TNIK: variants seen among roughly 807,000 people sequenced by gnomAD.
TNIK encodes TRAF2 and NCK-interacting protein kinase.
TNIK carries 49 observed loss-of-function variants against 191.3 expected under a neutral mutation model. The observed-to-expected ratio is 0.26, with a 90% CI of 0.20 to 0.32. The LOEUF (loss-of-function observed/expected upper bound fraction) is 0.32. Ranked by LOEUF, TNIK falls within the 10% of genes least tolerant of loss-of-function variation. TNIK has a pLI of 1.00. For synonymous variants in TNIK, 594 were observed against 600.9 expected (o/e 0.99, Z 0.17); for missense variants, 1,155 against 1,702.3 (o/e 0.68, Z 5.66).
At chr3:171,070,042 T>C (rs1416889352) in intron 29 of TNIK, among the ~76,000 whole-genome samples, 2 of 152,232 alleles carry the variant, frequency 1.3e-5, no homozygotes, top group Non-Finnish European at 2.9e-5. Context: ...CATAAAATAA[T>C]GGCAATAACT....
chr3:171,183,218 A>C (rs1293627389), intron 7 of TNIK, among the ~76,000 whole-genome samples: 1 of 152,120 alleles, frequency 6.6e-6, no homozygotes, highest in Non-Finnish European at 1.5e-5. Flanking sequence ...CCTCCTCCAG[A>C]CTTGATCTCC....
intron 17 of TNIK, among the ~76,000 whole-genome samples, chr3:171,125,626 C>CA (rs1298429824): frequency 6.6e-6 from 1 of 152,158 alleles, no homozygotes; most frequent in African/African-American, 2.4e-5. Flanking sequence ...ATATGGATAG[C>CA]AAAATGACAG....
At chr3:171,459,313 A>C (rs1306856372) in intron 1 of TNIK, among the ~76,000 whole-genome samples, 2 of 152,058 alleles carry the variant, frequency 1.3e-5, no homozygotes, top group Non-Finnish European at 2.9e-5. Flanking sequence ...CACCTGCTTA[A>C]GTTCAGCCAT....
intron 7 of TNIK, among the ~76,000 whole-genome samples, chr3:171,185,897 G>C (rs1737307510): frequency 6.6e-6 from 1 of 152,120 alleles, no homozygotes; most frequent in Non-Finnish European, 1.5e-5. Flanking sequence ...CGGTGGCCAA[G>C]TCATCCTTTA....
chr3:171,295,624 G>T (rs1174927410), intron 2 of TNIK, among the ~76,000 whole-genome samples: 1 of 152,220 alleles, frequency 6.6e-6, no homozygotes, highest in Non-Finnish European at 1.5e-5. Context: ...AAAGTAGCCA[G>T]TGTTCATGTT....
rs531731715 is a variant in TNIK, at chr3:171,153,483, G to C, written c.1221+3977C>G. On this transcript the variant is annotated intron_variant, in intron 12 of 32. Transcript: ENST00000436636. ...TCTAATCAACTTGCACATCCTGCAT[G>C]GTCCACAGGCTACATTTGTCTCAAA... is the stretch of plus-strand genomic sequence containing the variant. Among the ~76,000 whole-genome samples the C allele has an allele frequency of 3.9e-5, 6 of 152,226 alleles. No individual in the cohort carries two copies. The East Asian group carries it at 1.2e-3, about 29-fold the overall frequency.
At chr3:171,184,483 T>C (rs569411967) in intron 7 of TNIK, among the ~76,000 whole-genome samples, 1 of 152,308 alleles carries the variant, frequency 6.6e-6, no homozygotes, top group Admixed American at 6.5e-5. Context: ...GAATCCTTTA[T>C]AGGTGGGTGT....
intron 22 of TNIK, 35 bp from the exon 23 acceptor site, chr3:171,094,003 A>T: frequency 6.3e-7 from 1 of 1,599,004 alleles, no homozygotes; most frequent in South Asian, 1.1e-5. Flanking sequence ...ATGGCAATGT[A>T]TCTTTAGGAA....
chr3:171,253,894 A>C (rs1431387341), intron 2 of TNIK, among the ~76,000 whole-genome samples: 3 of 152,238 alleles, frequency 2.0e-5, no homozygotes, highest in African/African-American at 7.2e-5. Context: ...TCAATAAAAC[A>C]AAGAATGTAA....
At chr3:171,331,516 AACTG>A (rs1171521297) in intron 2 of TNIK, among the ~76,000 whole-genome samples, 1 of 152,228 alleles carries the variant, frequency 6.6e-6, no homozygotes, top group East Asian at 1.9e-4. Flanking sequence ...ACTCATATAA[AACTG>A]ACTTATATGG....
rs1368313991 is a variant in TNIK at position 171,110,791 on chromosome 3, G to C, written c.2207C>G (p.Pro736Arg). ...TCCTTGGGAGCTGGGCTGGGAGCTA[G>C]GGGTGCTGGAGCTGGAGGAACTGCC... ...SSGSSSSSSTPSSQPSSQGGS... is the reference protein window; with the variant it reads ...SSGSSSSSSTRSSQPSSQGGS... Residue 736 changes from proline to arginine, a missense_variant, in exon 19 of 33, where the codon CCT (proline) becomes CGT (arginine). Physicochemically the swap from Pro to Arg is moderately radical, Grantham distance 103. Around this residue, in one of 3 missense-constraint regions of TNIK, gnomAD observed 735 missense variants for 848.0 expected, o/e 0.87. Transcript: ENST00000436636. 1 of 1,604,456 alleles carries C rather than the reference G, an allele frequency of 6.2e-7. No individual in the cohort carries two copies. The highest frequency in any genetic ancestry group is 1.7e-5 in the Admixed American group (1 of 58,890).
intron 17 of TNIK, among the ~76,000 whole-genome samples, chr3:171,124,538 A>G (rs2108564942): frequency 6.6e-6 from 1 of 152,342 alleles, no homozygotes; most frequent in African/African-American, 2.4e-5. Flanking sequence ...CCGTTATTTA[A>G]AAGAATCATA....
Position 171,380,046 on chromosome 3 carries a change from C to CAA in TNIK, c.58-10362_58-10361insTT, listed in dbSNP as rs564045395. Reference sequence around the variant, plus strand: ...ACACACGCGCACACACACACACACACACACACACACACGCAAGTTGCTTTA... The same window carrying CAA: ...ACACACGCGCACACACACACACACACAAACACACACACACGCAAGTTGCTTTA... On this transcript the variant is annotated intron_variant, in intron 1 of 32. Transcript: ENST00000436636. Among the ~76,000 whole-genome samples the CAA allele has an allele frequency of 6.6e-3, 995 of 151,848 alleles. 7 individuals are homozygous for CAA. The highest frequency in any genetic ancestry group is 0.022 in the African/African-American group (932 of 41,424).
chr3:171,320,248 A>ATCTC (rs1198057656), intron 2 of TNIK, among the ~76,000 whole-genome samples: 2 of 152,138 alleles, frequency 1.3e-5, no homozygotes, highest in Non-Finnish European at 2.9e-5. Context: ...TTTGATTTAA[A>ATCTC]TTTTCTAATT....
chr3:171,323,213 G>T (rs980882798), intron 2 of TNIK, among the ~76,000 whole-genome samples: 4 of 152,274 alleles, frequency 2.6e-5, no homozygotes, highest in Admixed American at 2.6e-4. Context: ...TTTAGCACAT[G>T]AAATTTATTT....
intron 1 of TNIK, among the ~76,000 whole-genome samples, chr3:171,446,732 T>G (rs1727543647): frequency 6.6e-6 from 1 of 152,242 alleles, no homozygotes; most frequent in African/African-American, 2.4e-5. Context: ...GATTAAGGCT[T>G]GAGAATAGTC....
intron 1 of TNIK, among the ~76,000 whole-genome samples, chr3:171,447,435 C>T (rs1346361312): frequency 2.0e-5 from 3 of 152,102 alleles, no homozygotes; most frequent in Non-Finnish European, 4.4e-5. Flanking sequence ...TGCCCTAAAC[C>T]AAAGGCTTCT....
intron 4 of TNIK, among the ~76,000 whole-genome samples, chr3:171,197,656 C>CT (rs1738876431): frequency 6.6e-6 from 1 of 152,154 alleles, no homozygotes; most frequent in Non-Finnish European, 1.5e-5. Flanking sequence ...TGTAGAAAGG[C>CT]TTGATGTCAT....
At chr3:171,201,399 C>A (rs1323419640) in intron 4 of TNIK, among the ~76,000 whole-genome samples, 1 of 151,786 alleles carries the variant, frequency 6.6e-6, no homozygotes, top group Non-Finnish European at 1.5e-5. Flanking sequence ...AACTCCGTCT[C>A]AAAATAAATA....
Sources: allele counts gnomAD v4.1 joint callset (sites outside exome capture counted in the v4.1 genomes callset), GRCh38; gene constraint gnomAD v4.1.1; regional missense constraint gnomAD v4.1.1; transcripts MANE v1.5; gene names NCBI Gene and HGNC (gene_info 2026-07-23, HGNC 2026-07-21).